Variants in CELF2 observed in about 807,000 individuals in gnomAD.
CELF2 encodes the protein CUGBP Elav-like family member 2, also known as CUG triplet repeat RNA-binding protein 2.
CELF2 carries 8 observed loss-of-function variants against 62.6 expected under a neutral mutation model. The ratio of observed to expected loss-of-function variants is 0.13; its 90% CI spans 0.07 to 0.23. The LOEUF (loss-of-function observed/expected upper bound fraction) is 0.23. Ranked by LOEUF, CELF2 falls within the 10% of genes least tolerant of loss-of-function variation. The probability of loss-of-function intolerance (pLI) is 1.00; values close to 1 mark genes in which losing one functional copy is unlikely to be tolerated. For missense variants in CELF2, 333 were observed against 671.0 expected (o/e 0.50, Z 5.56); for synonymous variants, 258 against 250.0 (o/e 1.03, Z -0.30).
chr10:10,499,924 C>T, the CELF2 span, among the ~76,000 whole-genome samples: 1 of 147,214 alleles, frequency 6.8e-6, no homozygotes, highest in South Asian at 2.2e-4. Context: ...GTACCAGGTA[C>T]CAGAAAACCA....
intron 2 of CELF2, among the ~76,000 whole-genome samples, chr10:10,942,535 CAA>C (rs1403770884): frequency 6.6e-6 from 1 of 152,152 alleles, no homozygotes; most frequent in Non-Finnish European, 1.5e-5. Context: ...TTGTAAGAAA[CAA>C]GAGAGAGAAT....
chr10:10,566,704 C>A, the CELF2 span, among the ~76,000 whole-genome samples: 1 of 151,794 alleles, frequency 6.6e-6, no homozygotes, highest in Non-Finnish European at 1.5e-5. Context: ...TTTTATAAAC[C>A]CTCAGGTTGC....
At chr10:10,473,407 C>A in the CELF2 span, among the ~76,000 whole-genome samples, 1 of 151,964 alleles carries the variant, frequency 6.6e-6, no homozygotes, top group Non-Finnish European at 1.5e-5. Context: ...GAACTTCTGG[C>A]CTGTAGAACT....
At chr10:11,030,362 T>C (rs576188191) in intron 1 of CELF2, 1 of 152,372 alleles carries the variant, frequency 6.6e-6, no homozygotes, top group Non-Finnish European at 1.5e-5. Context: ...TACTGAAAAC[T>C]CGAAAATGTA....
the CELF2 span, among the ~76,000 whole-genome samples, chr10:10,550,215 A>T: frequency 3.1e-4 from 47 of 152,218 alleles, no homozygotes; most frequent in Non-Finnish European, 6.3e-4. Context: ...TACTAAGCCA[A>T]TCCTAAGGAA....
chr10:11,192,399 T>C (rs1455897075), intron 2 of CELF2, among the ~76,000 whole-genome samples: 1 of 152,192 alleles, frequency 6.6e-6, no homozygotes, highest in Non-Finnish European at 1.5e-5. Context: ...CCATGCTGAG[T>C]AGTCTCATGG....
chr10:10,672,562 T>C, the CELF2 span, among the ~76,000 whole-genome samples: 8 of 152,098 alleles, frequency 5.3e-5, no homozygotes, highest in East Asian at 1.5e-3. Context: ...TTATGTCTTC[T>C]CCATCTCATT....
At chr10:11,200,465 T>C (rs2058972761) in intron 2 of CELF2, among the ~76,000 whole-genome samples, 1 of 152,224 alleles carries the variant, frequency 6.6e-6, no homozygotes, top group Non-Finnish European at 1.5e-5. Flanking sequence ...ATATTTCTTA[T>C]ACTCTGCAGA....
chr10:10,825,215 G>T (rs1477255723), intron 1 of CELF2, among the ~76,000 whole-genome samples: 1 of 151,684 alleles, frequency 6.6e-6, no homozygotes, highest in Non-Finnish European at 1.5e-5. Context: ...TTTGTTTTTT[G>T]TGTTTTGTTT....
intron 1 of CELF2, among the ~76,000 whole-genome samples, chr10:10,872,722 T>C (rs959774954): frequency 3.3e-5 from 5 of 152,242 alleles, no homozygotes; most frequent in African/African-American, 1.2e-4. Flanking sequence ...TGGTGGCTTT[T>C]ATGGAAAAAT....
intron 1 of CELF2, among the ~76,000 whole-genome samples, chr10:11,126,091 GA>G (rs1274892634): frequency 6.6e-6 from 1 of 152,156 alleles, no homozygotes; most frequent in Non-Finnish European, 1.5e-5. Context: ...CACCTCCTTT[GA>G]GTAGTCAAGA....
intron 1 of CELF2, among the ~76,000 whole-genome samples, chr10:10,895,275 G>A (rs11256891): frequency 0.35 from 53,407 of 152,040 alleles, 11,576 homozygotes; most frequent in East Asian, 0.68. Context: ...ATTTGACAGT[G>A]TTATCCACCC....
At chr10:11,119,881 C>G (rs998300908) in intron 1 of CELF2, among the ~76,000 whole-genome samples, 2 of 149,850 alleles carry the variant, frequency 1.3e-5, no homozygotes, top group Admixed American at 6.7e-5. Context: ...CCCCGGCCCC[C>G]GCTTTTTTGT....
At chr10:10,649,281 G>A in the CELF2 span, among the ~76,000 whole-genome samples, 1 of 152,142 alleles carries the variant, frequency 6.6e-6, no homozygotes, top group African/African-American at 2.4e-5. Context: ...GCATCTCAGG[G>A]TAAAAACATA....
intron 9 of CELF2, among the ~76,000 whole-genome samples, chr10:11,313,194 G>C (rs72775884): frequency 0.024 from 3,676 of 152,148 alleles, 74 homozygotes; most frequent in Non-Finnish European, 0.037. Context: ...AAACAAAAAG[G>C]TTGCCCCAAA....
At chr10:10,949,477 G>A (rs921266295) in intron 2 of CELF2, among the ~76,000 whole-genome samples, 1 of 152,056 alleles carries the variant, frequency 6.6e-6, no homozygotes, top group African/African-American at 2.4e-5. Flanking sequence ...AATGCATTAA[G>A]TTTTGTTTTG....
intron 1 of CELF2, among the ~76,000 whole-genome samples, chr10:11,036,756 C>T (rs2061015493): frequency 6.6e-6 from 1 of 152,180 alleles, no homozygotes; most frequent in Admixed American, 6.5e-5. Context: ...TAGGCTTGTG[C>T]CTCATGGGCG....
In CELF2 at chr10:11,232,798, A is replaced by T. The variant is rs1010378479; in HGVS notation, c.354+15291A>T. Among the ~76,000 whole-genome samples the T allele has an allele frequency of 1.3e-5, 2 of 152,300 alleles. 1 individual carries two copies. Among genetic ancestry groups the T allele is most frequent in the Admixed American group, 1.3e-4 (2 of 15,296 alleles). ...GCCCACATTCATGGATGGGAGAAGA[A>T]AAATGGCAGAGCATGCTGCATATGT... On this transcript the variant is annotated intron_variant, in intron 3 of 12. Transcript: ENST00000633077.
At chr10:10,651,282 T>G in the CELF2 span, among the ~76,000 whole-genome samples, 1 of 145,536 alleles carries the variant, frequency 6.9e-6, no homozygotes, top group Non-Finnish European at 1.5e-5. Context: ...AAGGCGGCAG[T>G]GAGGCTGGGG....
Sources: gnomAD v4.1 joint callset for allele counts (sites outside exome capture counted in the v4.1 genomes callset) on GRCh38, gnomAD v4.1.1 for gene constraint, MANE v1.5 for transcripts, NCBI Gene and HGNC (gene_info 2026-07-23, HGNC 2026-07-21) for gene names.